The following ELL variants were observed in gnomAD, a reference collection of about 807,000 sequenced individuals.
The protein encoded by ELL is RNA polymerase II elongation factor ELL.
In ELL, 18 loss-of-function variants were observed where a neutral mutation model predicts 64.0. The observed-to-expected ratio is 0.28, with a 90% CI of 0.19 to 0.42. The LOEUF (loss-of-function observed/expected upper bound fraction) is 0.42, where lower values mean the gene tolerates loss of function less well. ELL is among the 10% of genes least tolerant of loss of function. The pLI is 1.00. For missense variants in ELL, 797 were observed against 870.4 expected, an observed-to-expected ratio of 0.92 and a Z score of 1.06; for synonymous variants, 399 against 376.2, an observed-to-expected ratio of 1.06 and a Z score of -0.70.
chr19:18,508,387 T>G (rs2144972698), intron 1 of ELL, among the ~76,000 whole-genome samples: 1 of 152,222 alleles, frequency 6.6e-6, no homozygotes, highest in South Asian at 2.1e-4. Context: ...TGTCCCAGAG[T>G]GGATGCCCTC....
At chr19:18,468,449 G>A (rs779603523) in intron 2 of ELL, among the ~76,000 whole-genome samples, 7 of 152,130 alleles carry the variant, frequency 4.6e-5, no homozygotes, top group African/African-American at 9.7e-5. Flanking sequence ...TTTTATTCTC[G>A]TTCATACAAG....
chr19:18,489,907 C>T lies in ELL; in HGVS notation c.136-17025G>A, dbSNP rs187894552. 3.3e-5 allele frequency among the ~76,000 whole-genome samples: 5 copies of T among 152,220 alleles called. No individual in the cohort carries two copies. In the East Asian group the frequency reaches 9.7e-4, roughly 30 times the overall value. On this transcript the variant is annotated intron_variant, in intron 1 of 11. Transcript: ENST00000262809. ...TTCTGCTGACCCCTGGGGCTGATGG[C>T]CTAGCACTAGGACAACAGAATAAGG...
intron 2 of ELL, among the ~76,000 whole-genome samples, chr19:18,469,582 T>C (rs1975018963): frequency 6.6e-6 from 1 of 152,190 alleles, no homozygotes. Flanking sequence ...GCACAGCAGG[T>C]CTGGGTATGT....
chr19:18,513,221 G>T (rs1206104186), intron 1 of ELL, among the ~76,000 whole-genome samples: 2 of 152,190 alleles, frequency 1.3e-5, no homozygotes, highest in Non-Finnish European at 2.9e-5. Context: ...CGTGGCCTGT[G>T]CTGGGTCACC....
At chr19:18,521,774 GC>G in intron 1 of ELL, 146 bp downstream of exon 1, 1 of 1,243,738 alleles carries the variant, frequency 8.0e-7, no homozygotes, top group Non-Finnish European at 1.1e-6. Flanking sequence ...CCGGACTGGC[GC>G]CCACTCCGCG....
In ELL at chr19:18,443,530, C is replaced by T. The variant is rs1405499535; in HGVS notation, c.*1222G>A. On this transcript the variant is annotated 3_prime_UTR_variant, in exon 12 of 12. Coordinates refer to ENST00000262809, the MANE Select transcript of ELL (RefSeq NM_006532.4). ...TTTCCAAGTCATGGCTTCATTCAGC[C>T]CTAAATGGGAACACACGCCTCAGAC... 5 of 233,428 alleles carry T rather than the reference C, an allele frequency of 2.1e-5. No homozygotes were observed. Among genetic ancestry groups the T allele is most frequent in the Non-Finnish European group, 4.2e-5 (5 of 118,092 alleles). 14.5% of individuals were successfully genotyped at this position (233,428 alleles called of 1,614,324 possible).
At chr19:18,502,747 G>C (rs1012394654) in intron 1 of ELL, among the ~76,000 whole-genome samples, 1 of 152,240 alleles carries the variant, frequency 6.6e-6, no homozygotes, top group South Asian at 2.1e-4. Context: ...GGAACACGGG[G>C]TGGCAGCATG....
At position 18,521,905 on chromosome 19, in the gene ELL, G is replaced by A; in HGVS notation, c.135+16C>T. ...CGGACGTTCCCCACTGGCGCGCCGG[G>A]CGCCATGCCACTCACCTGTCTGGCG... On this transcript the variant is annotated intron_variant, in intron 1 of 11. Coordinates refer to ENST00000262809, the MANE Select transcript of ELL (RefSeq NM_006532.4). 5 of 1,570,640 alleles carry A rather than the reference G, an allele frequency of 3.2e-6. No homozygotes were observed. Among genetic ancestry groups the A allele is most frequent in the Non-Finnish European group, 4.3e-6 (5 of 1,158,502 alleles).
chr19:18,472,137 T>C lies in ELL; in HGVS notation c.183+698A>G, dbSNP rs530841343. On this transcript the variant is annotated intron_variant, in intron 2 of 11. Coordinates refer to ENST00000262809, the MANE Select transcript of ELL (RefSeq NM_006532.4). ...ACCACCACACCCAGCTAATTTTGTA[T>C]TTTTAGTAGAGACGCGTTTCTCTAC... Among the ~76,000 whole-genome samples, 9 of 152,114 alleles carry C rather than the reference T, an allele frequency of 5.9e-5. No individual in the cohort carries two copies. In the East Asian group the frequency reaches 1.5e-3, roughly 26 times the overall value.
Position 18,450,481 on chromosome 19 carries a change from G to A in ELL, c.1461C>T (p.Thr487=), listed in dbSNP as rs764538669. 1.2e-6 allele frequency: 2 copies of A among 1,612,536 alleles called. No homozygotes were observed. Among genetic ancestry groups the A allele is most frequent in the Non-Finnish European group, 1.7e-6 (2 of 1,179,716 alleles). The change falls in exon 8 of 12, where the codon ACC becomes ACT. Residue 487 remains threonine, a synonymous_variant. Coordinates refer to ENST00000262809, the MANE Select transcript of ELL (RefSeq NM_006532.4). ...THATPGAPAD[T]PGLNGTCSVS... is the part of the protein sequence containing the mutation. ...CCCTCCTGCCTGGGCACCTACCTGG[G>A]GTGTCTGCTGGGGCTCCGGGGGTGG...
At chr19:18,485,760 G>C (rs1975399640) in intron 1 of ELL, among the ~76,000 whole-genome samples, 1 of 152,148 alleles carries the variant, frequency 6.6e-6, no homozygotes, top group African/African-American at 2.4e-5. Context: ...GCCAAGACGA[G>C]CGGATCACGA....
chr19:18,512,069 C>T (rs535009834), intron 1 of ELL, among the ~76,000 whole-genome samples: 2 of 151,724 alleles, frequency 1.3e-5, no homozygotes, highest in East Asian at 1.9e-4. Flanking sequence ...GCAGGGGAAT[C>T]GCTTGAACCC....
At chr19:18,463,051 G>A (rs1317410008) in intron 4 of ELL, among the ~76,000 whole-genome samples, 4 of 152,292 alleles carry the variant, frequency 2.6e-5, no homozygotes, top group African/African-American at 9.6e-5. Flanking sequence ...GAACAGGGTC[G>A]GCCGAGCAAG....
chr19:18,476,500 T>C (rs1022076722), intron 1 of ELL, among the ~76,000 whole-genome samples: 1 of 115,896 alleles, frequency 8.6e-6, no homozygotes. Context: ...CCATGCTCCC[T>C]GTGGGCCACG....
intron 1 of ELL, among the ~76,000 whole-genome samples, chr19:18,517,437 G>C (rs992613139): frequency 6.6e-6 from 1 of 151,856 alleles, no homozygotes; most frequent in Non-Finnish European, 1.5e-5. Flanking sequence ...TTTTAGTAGA[G>C]ACAGGTTTTC....
intron 1 of ELL, among the ~76,000 whole-genome samples, chr19:18,493,524 G>A (rs1339558270): frequency 6.6e-6 from 1 of 152,258 alleles, no homozygotes; most frequent in African/African-American, 2.4e-5. Flanking sequence ...CCGCACTTGG[G>A]AGGAGAGAGT....
chr19:18,495,587 G>C (rs919519870), intron 1 of ELL, among the ~76,000 whole-genome samples: 1 of 152,178 alleles, frequency 6.6e-6, no homozygotes, highest in Non-Finnish European at 1.5e-5. Context: ...AGCTGAAGGA[G>C]GAGGGCCGAG....
intron 4 of ELL, 110 bp from the exon 5 acceptor site, chr19:18,461,962 A>C (rs1600445288): frequency 1.5e-6 from 2 of 1,375,174 alleles, no homozygotes; most frequent in East Asian, 4.7e-5. Context: ...TGCTGGTGGG[A>C]GGCACCACAC....
intron 6 of ELL, among the ~76,000 whole-genome samples, chr19:18,454,393 C>T (rs1168347877): frequency 2.7e-5 from 4 of 150,770 alleles, no homozygotes; most frequent in African/African-American, 2.4e-5. Context: ...CAGCTACTCG[C>T]GAGGCTGAGG....
Sources: gnomAD v4.1 joint callset for allele counts (sites outside exome capture counted in the v4.1 genomes callset) on GRCh38, gnomAD v4.1.1 for gene constraint, MANE v1.5 for transcripts, NCBI Gene and HGNC (gene_info 2026-07-23, HGNC 2026-07-21) for gene names.